Variants in DLG2 observed in about 807,000 individuals in gnomAD.
DLG2 encodes discs large MAGUK scaffold protein 2.
Under a neutral mutation model 132.5 loss-of-function variants are expected in DLG2, and 45 were observed. The observed-to-expected ratio is 0.34, with a 90% CI of 0.27 to 0.44. The LOEUF (loss-of-function observed/expected upper bound fraction) is 0.44. DLG2 is among the 20% of genes least tolerant of loss of function. The probability of loss-of-function intolerance (pLI) is 1.00; values close to 1 mark genes in which losing one functional copy is unlikely to be tolerated. For missense variants in DLG2, 1,045 were observed against 1,196.9 expected (o/e 0.87, Z 1.87); for synonymous variants, 424 against 419.6 (o/e 1.01, Z -0.13).
intron 6 of DLG2, among the ~76,000 whole-genome samples, chr11:84,957,132 G>C (rs1281642290): frequency 6.6e-6 from 1 of 152,158 alleles, no homozygotes; most frequent in Non-Finnish European, 1.5e-5. Flanking sequence ...TCATTTGACA[G>C]ATGATGAACT....
intron 18 of DLG2, among the ~76,000 whole-genome samples, chr11:83,771,337 A>G (rs2094384327): frequency 6.6e-6 from 1 of 152,224 alleles, no homozygotes; most frequent in Non-Finnish European, 1.5e-5. Context: ...AAGAATGCCT[A>G]TTTTTAAGAA....
chr11:83,578,167 G>A lies in DLG2; in HGVS notation c.1941-36309C>T, dbSNP rs532569860. On this transcript the variant is annotated intron_variant, in intron 19 of 27. Coordinates refer to ENST00000376104, the MANE Select transcript of DLG2 (RefSeq NM_001142699.3). The stretch of plus-strand genomic sequence containing the variant: ...CTATACTTTGTAAGGTTCTAATGCG[G>A]TACATGAAGTATTATAATATTGATA... Among the ~76,000 whole-genome samples the A allele has an allele frequency of 1.0e-4, 15 of 150,026 alleles. No individual in the cohort carries two copies. The East Asian group carries it at 2.9e-3, about 29-fold the overall frequency.
chr11:84,669,637 C>T (rs1033282044), intron 6 of DLG2, among the ~76,000 whole-genome samples: 1 of 152,044 alleles, frequency 6.6e-6, no homozygotes, highest in Non-Finnish European at 1.5e-5. Flanking sequence ...ACCCCTTTTT[C>T]CCCCTACTAA....
chr11:85,149,096 C>G (rs1368474193), intron 5 of DLG2, among the ~76,000 whole-genome samples: 1 of 152,056 alleles, frequency 6.6e-6, no homozygotes, highest in Non-Finnish European at 1.5e-5. Flanking sequence ...CTGTCCTGTT[C>G]CCTTGGTCTA....
intron 21 of DLG2, among the ~76,000 whole-genome samples, chr11:83,530,504 C>T (rs1029520579): frequency 1.3e-5 from 2 of 150,246 alleles, no homozygotes; most frequent in African/African-American, 4.9e-5. Flanking sequence ...GATAGAAAGA[C>T]GAAAGAAAGG....
intron 3 of DLG2, among the ~76,000 whole-genome samples, chr11:85,339,556 T>C (rs2152855907): frequency 6.6e-6 from 1 of 152,352 alleles, no homozygotes; most frequent in East Asian, 1.9e-4. Flanking sequence ...AAAAATGATG[T>C]CTCAGTGCTA....
At chr11:83,828,399 T>C (rs888579306) in intron 17 of DLG2, among the ~76,000 whole-genome samples, 10 of 152,116 alleles carry the variant, frequency 6.6e-5, no homozygotes, top group Non-Finnish European at 4.4e-5. Flanking sequence ...TCACAAATAA[T>C]AATAACAAAT....
In DLG2 at chr11:84,667,495, TTTG is replaced by T. The variant is rs1412227741; in HGVS notation, c.358-132767_358-132765del. On this transcript the variant is annotated intron_variant, in intron 6 of 27. Coordinates refer to ENST00000376104, the MANE Select transcript of DLG2 (RefSeq NM_001142699.3). ...TTTTTTTTGTTTTTGTTTTTTGTTTTTTGTTTTTTTTTTTTTTTTGAGTCATAG... is the reference window on the plus strand; with the variant it reads ...TTTTTTTTGTTTTTGTTTTTTGTTTTTTTTTTTTTTTTTTTTGAGTCATAG... Among the ~76,000 whole-genome samples the T allele has an allele frequency of 2.1e-3, 67 of 32,512 alleles. No homozygotes were observed. The East Asian group carries it at 0.027, about 13-fold the overall frequency. 21.3% of individuals were successfully genotyped at this position (32,512 alleles called of 152,430 possible).
intron 11 of DLG2, among the ~76,000 whole-genome samples, chr11:84,032,175 C>T (rs555921168): frequency 3.5e-4 from 54 of 152,244 alleles, no homozygotes; most frequent in African/African-American, 1.2e-3. Context: ...TAATCACACA[C>T]ATATCCTTTA....
intron 19 of DLG2, among the ~76,000 whole-genome samples, chr11:83,627,117 G>A (rs1253573969): frequency 1.3e-5 from 2 of 151,950 alleles, no homozygotes; most frequent in African/African-American, 2.4e-5. Context: ...ATTTATCAAC[G>A]ACTTCCCATG....
intron 3 of DLG2, among the ~76,000 whole-genome samples, chr11:85,529,280 G>T (rs1354524950): frequency 6.6e-6 from 1 of 152,004 alleles, no homozygotes; most frequent in Non-Finnish European, 1.5e-5. Context: ...GACAAATTAT[G>T]AACATGTAAC....
At chr11:85,581,156 G>A (rs1485511406) in intron 3 of DLG2, among the ~76,000 whole-genome samples, 2 of 152,122 alleles carry the variant, frequency 1.3e-5, no homozygotes, top group Non-Finnish European at 2.9e-5. Flanking sequence ...CTTCTGTCAG[G>A]CAGCCCCTTC....
intron 6 of DLG2, among the ~76,000 whole-genome samples, chr11:84,833,619 G>A (rs1412414661): frequency 6.6e-6 from 1 of 150,762 alleles, no homozygotes; most frequent in East Asian, 2.0e-4. Context: ...TAACAACAGG[G>A]TGATGAAAAA....
At chr11:85,471,189 G>A (rs980021235) in intron 3 of DLG2, among the ~76,000 whole-genome samples, 3 of 152,108 alleles carry the variant, frequency 2.0e-5, no homozygotes, top group South Asian at 2.1e-4. Context: ...TGTTCCAGAG[G>A]ATGAAAAAAT....
intron 15 of DLG2, among the ~76,000 whole-genome samples, chr11:83,921,926 T>C (rs563795412): frequency 2.4e-4 from 37 of 152,230 alleles, no homozygotes; most frequent in Non-Finnish European, 4.4e-4. Flanking sequence ...AGAATAGGAA[T>C]TCTGGAGTAA....
Position 85,208,971 on chromosome 11 carries a change from G to T in DLG2, c.187-54320C>A, listed in dbSNP as rs544980219. On this transcript the variant is annotated intron_variant, in intron 4 of 27. Coordinates refer to ENST00000376104, the MANE Select transcript of DLG2 (RefSeq NM_001142699.3). ...ACCGTACTCCCCTATCTACCCTCCC[G>T]CAATATGTAAGTCCTTTGCAAGTAC... Among the ~76,000 whole-genome samples the T allele has an allele frequency of 5.9e-5, 9 of 152,184 alleles. 1 individual carries two copies. The South Asian group carries it at 1.9e-3, about 32-fold the overall frequency.
intron 3 of DLG2, among the ~76,000 whole-genome samples, chr11:85,518,759 T>C (rs909500644): frequency 1.3e-5 from 2 of 152,078 alleles, no homozygotes; most frequent in African/African-American, 4.8e-5. Flanking sequence ...CCAACACAGG[T>C]CCGGAGGCCT....
intron 6 of DLG2, chr11:85,021,466 G>T: frequency 7.0e-7 from 1 of 1,424,820 alleles, no homozygotes; most frequent in Admixed American, 1.7e-5. Context: ...AGCAGCCCGG[G>T]CATTTCTCTC....
chr11:84,155,479 A>C (rs1620817), intron 9 of DLG2, among the ~76,000 whole-genome samples: 1 of 150,332 alleles, frequency 6.7e-6, no homozygotes, highest in African/African-American at 2.5e-5. Context: ...CTAGTCCCCT[A>C]TGTTACTTCA....
Sources: allele counts gnomAD v4.1 joint callset (sites outside exome capture counted in the v4.1 genomes callset), GRCh38; gene constraint gnomAD v4.1.1; transcripts MANE v1.5; gene names NCBI Gene and HGNC (gene_info 2026-07-23, HGNC 2026-07-21).